UNC5C: variants seen among roughly 807,000 people sequenced by gnomAD.
UNC5C encodes the protein netrin receptor UNC5C.
Under a neutral mutation model 99.8 loss-of-function variants are expected in UNC5C, and 47 were observed. The observed-to-expected ratio is 0.47, with a 90% confidence interval of 0.37 to 0.60. The LOEUF (loss-of-function observed/expected upper bound fraction) is 0.60, where lower values mean the gene tolerates loss of function less well. Among genes scored for constraint, UNC5C ranks in the 20% least tolerant of loss-of-function variants. The pLI is 0.00. For missense variants in UNC5C, 1,062 were observed against 1,165.9 expected (o/e 0.91, Z 1.30); for synonymous variants, 487 against 452.2 (o/e 1.08, Z -0.98).
At chr4:95,192,241 T>G (rs570140289) in intron 12 of UNC5C, among the ~76,000 whole-genome samples, 1 of 130,482 alleles carries the variant, frequency 7.7e-6, no homozygotes, top group South Asian at 2.8e-4. Context: ...CTCACCCTCC[T>G]CCCCTGTTCA....
intron 1 of UNC5C, among the ~76,000 whole-genome samples, chr4:95,340,354 A>G (rs1291385927): frequency 6.6e-6 from 1 of 152,162 alleles, no homozygotes; most frequent in Non-Finnish European, 1.5e-5. Flanking sequence ...TTTACTTCCA[A>G]GTGATTCAAG....
At chr4:95,198,508 A>G (rs193052236) in intron 12 of UNC5C, among the ~76,000 whole-genome samples, 1 of 152,276 alleles carries the variant, frequency 6.6e-6, no homozygotes, top group Admixed American at 6.5e-5. Context: ...GGGCAGAGAG[A>G]CTGTGATTTA....
chr4:95,253,230 A>T (rs1739808733), intron 4 of UNC5C, among the ~76,000 whole-genome samples: 4 of 152,072 alleles, frequency 2.6e-5, no homozygotes, highest in Admixed American at 6.5e-5. Context: ...TAGCTATTCA[A>T]AACTACGGTT....
At chr4:95,408,543 A>G (rs1350660212) in intron 1 of UNC5C, among the ~76,000 whole-genome samples, 3 of 152,186 alleles carry the variant, frequency 2.0e-5, no homozygotes, top group Non-Finnish European at 4.4e-5. Flanking sequence ...TCTCAATAGT[A>G]AAGCATTTGT....
intron 1 of UNC5C, among the ~76,000 whole-genome samples, chr4:95,536,473 A>AT (rs1256997568): frequency 6.6e-6 from 1 of 152,258 alleles, no homozygotes; most frequent in Non-Finnish European, 1.5e-5. Flanking sequence ...GTGCAGGGTA[A>AT]TTTTTTTCTA....
intron 1 of UNC5C, among the ~76,000 whole-genome samples, chr4:95,472,352 T>C (rs1289942071): frequency 6.6e-6 from 1 of 152,162 alleles, no homozygotes; most frequent in Non-Finnish European, 1.5e-5. Flanking sequence ...CAAAGGTATT[T>C]AATTGATATG....
chr4:95,323,967 C>T (rs889839522), intron 2 of UNC5C, among the ~76,000 whole-genome samples: 42 of 152,058 alleles, frequency 2.8e-4, no homozygotes, highest in Admixed American at 1.4e-3. Context: ...ACCCGGGAGG[C>T]GGAGGTTGCA....
At chr4:95,370,132 T>C (rs1197278239) in intron 1 of UNC5C, among the ~76,000 whole-genome samples, 2 of 152,196 alleles carry the variant, frequency 1.3e-5, no homozygotes, top group African/African-American at 4.8e-5. Context: ...AAAGATGGCT[T>C]ATCCAAACTG....
At chr4:95,533,763 A>T (rs1344364409) in intron 1 of UNC5C, among the ~76,000 whole-genome samples, 2 of 152,214 alleles carry the variant, frequency 1.3e-5, no homozygotes, top group Non-Finnish European at 2.9e-5. Flanking sequence ...ACAGTTTAAT[A>T]TTCAGAAAAT....
intron 4 of UNC5C, among the ~76,000 whole-genome samples, chr4:95,254,001 T>C (rs948298699): frequency 2.6e-5 from 4 of 152,186 alleles, no homozygotes; most frequent in African/African-American, 9.7e-5. Context: ...CATTGTTTCT[T>C]CTGAAGTCCT....
At position 95,163,042 on chromosome 4, in the gene UNC5C, T is replaced by C. The variant is rs1357526379; in HGVS notation, c.*6192A>G. The C allele has an allele frequency of 6.6e-6, 1 of 152,126 alleles. No homozygotes were observed. The highest frequency in any genetic ancestry group is 2.1e-4 in the South Asian group (1 of 4,830). The allele number at this position is 152,126 out of a possible 1,614,324, so 9.4% of individuals were successfully genotyped here. A position where few individuals can be genotyped will look rare whatever the true frequency, so the allele number is the denominator to read the frequency against. On this transcript the variant is annotated 3_prime_UTR_variant, in exon 16 of 16. Coordinates refer to ENST00000453304, the MANE Select transcript of UNC5C (RefSeq NM_003728.4). The stretch of plus-strand genomic sequence containing the variant: ...AGCTCAACATTAAACTCAACACATA[T>C]AACACCATGACATCACACACACACA...
chr4:95,480,494 C>G (rs1474425257), intron 1 of UNC5C, among the ~76,000 whole-genome samples: 4 of 151,696 alleles, frequency 2.6e-5, no homozygotes, highest in African/African-American at 9.7e-5. Flanking sequence ...CAAAGACCAC[C>G]CTATGTCATT....
intron 1 of UNC5C, among the ~76,000 whole-genome samples, chr4:95,413,361 C>G (rs752006664): frequency 5.3e-5 from 8 of 152,116 alleles, no homozygotes; most frequent in Non-Finnish European, 1.2e-4. Context: ...CTGCTGCCTC[C>G]TCAGCCTTGC....
intron 1 of UNC5C, among the ~76,000 whole-genome samples, chr4:95,424,715 A>ATG (rs1746426325): frequency 6.6e-6 from 1 of 151,260 alleles, no homozygotes; most frequent in Non-Finnish European, 1.5e-5. Flanking sequence ...AGTAGAGACC[A>ATG]GGTTTCACTG....
chr4:95,507,649 A>G lies in UNC5C; in HGVS notation c.124+41085T>C, dbSNP rs1030665428. On this transcript the variant is annotated intron_variant, in intron 1 of 15. Transcript: ENST00000453304. ...TTCGTAGCCTCCCCTGATCACAACC[A>G]TCATGTTGGTGCTGAAGACTCCAAG... Among the ~76,000 whole-genome samples, 5 of 151,884 alleles carry G rather than the reference A, an allele frequency of 3.3e-5. No homozygotes were observed. The East Asian group carries it at 9.7e-4, about 29-fold the overall frequency.
chr4:95,461,912 T>C (rs938924600), intron 1 of UNC5C, among the ~76,000 whole-genome samples: 2 of 152,200 alleles, frequency 1.3e-5, no homozygotes, highest in Non-Finnish European at 2.9e-5. Context: ...ATGAAACATG[T>C]ATTTGCCTGT....
chr4:95,203,030 TG>T, intron 11 of UNC5C, 66 bp from the exon 12 acceptor site: 1 of 1,440,658 alleles, frequency 6.9e-7, no homozygotes, highest in Non-Finnish European at 9.7e-7. Context: ...CCAGGGATGG[TG>T]GTGAATGGTG....
intron 7 of UNC5C, among the ~76,000 whole-genome samples, chr4:95,238,526 T>G (rs10516960): frequency 0.56 from 85,826 of 151,908 alleles, 25,253 homozygotes; most frequent in East Asian, 0.85. Flanking sequence ...ATTTTCAGCT[T>G]CTCCTCAATT....
chr4:95,386,880 G>T (rs1011428217), intron 1 of UNC5C, among the ~76,000 whole-genome samples: 3 of 152,036 alleles, frequency 2.0e-5, no homozygotes, highest in African/African-American at 7.3e-5. Flanking sequence ...GTCCTCAGTG[G>T]ACATTCATAT....
Sources: gnomAD v4.1 joint callset for allele counts (sites outside exome capture counted in the v4.1 genomes callset) on GRCh38, gnomAD v4.1.1 for gene constraint, MANE v1.5 for transcripts, NCBI Gene and HGNC (gene_info 2026-07-23, HGNC 2026-07-21) for gene names.